The following UBOX5 variants were observed in gnomAD, a reference collection of about 807,000 sequenced individuals.
UBOX5 encodes RING finger protein 37.
In UBOX5, 28 loss-of-function variants were observed where a neutral mutation model predicts 39.0. The observed-to-expected ratio is 0.72, with a 90% CI of 0.53 to 0.98. The LOEUF (loss-of-function observed/expected upper bound fraction) is 0.98, where lower values mean the gene tolerates loss of function less well. Ranked by LOEUF, UBOX5 falls within the 50% of genes least tolerant of loss-of-function variation. UBOX5 has a pLI of 0.00. For synonymous variants in UBOX5, 283 were observed against 275.5 expected (o/e 1.03, Z -0.27); for missense variants, 585 against 674.4 (o/e 0.87, Z 1.47).
chr20:3,142,724 G>A (rs1363427246), intron 1 of UBOX5, among the ~76,000 whole-genome samples: 2 of 132,886 alleles, frequency 1.5e-5, no homozygotes, highest in African/African-American at 5.6e-5. Context: ...AGTGAGCAGA[G>A]ATCACGCTAC....
intron 1 of UBOX5, among the ~76,000 whole-genome samples, chr20:3,130,333 CT>C (rs5839987): frequency 0.62 from 82,512 of 132,126 alleles, 26,998 homozygotes; most frequent in East Asian, 0.99. Flanking sequence ...TTGTTTATGC[CT>C]TTTTTTTTTT....
chr20:3,131,863 C>G (rs547545455), intron 1 of UBOX5, among the ~76,000 whole-genome samples: 3 of 151,792 alleles, frequency 2.0e-5, no homozygotes, highest in African/African-American at 7.2e-5. Context: ...AAAAAATTAG[C>G]CGGGCAAGGT....
At position 3,134,946 on chromosome 20, in the gene UBOX5, A is replaced by G. The variant is rs564627977; in HGVS notation, c.-41-11540T>C. 8.5e-4 allele frequency among the ~76,000 whole-genome samples: 129 copies of G among 152,222 alleles called. 4 individuals carry two copies. In the South Asian group the frequency reaches 0.021, roughly 25 times the overall value. On this transcript the variant is annotated intron_variant, in intron 1 of 4. Transcript: ENST00000217173. ...GACACAGTAAGGAAAGATAACCTAG[A>G]TCAATGTTTTTCAATTTGTGGTTTT...
At chr20:3,148,905 C>G (rs138163389) in intron 1 of UBOX5, 9 of 1,614,154 alleles carry the variant, frequency 5.6e-6, no homozygotes, top group Admixed American at 3.3e-5. Context: ...ATGTTCTTAA[C>G]TTTTTTGGCA....
chr20:3,107,785 C>T lies in UBOX5; in HGVS notation c.*2321G>A, dbSNP rs2066222160. The stretch of plus-strand genomic sequence containing the variant: ...GGGGCTCCCAGGCTGGATTTTCCAC[C>T]AGAGCAGTCTTGGGGGCAGGAGCCT... On this transcript the variant is annotated 3_prime_UTR_variant, in exon 5 of 5. Coordinates refer to ENST00000217173, the MANE Select transcript of UBOX5 (RefSeq NM_014948.4). This position sits in a 1 kb window ranked among gnomAD's most constrained non-coding sequence, Gnocchi z 5.0. 1.3e-5 allele frequency: 2 copies of T among 152,180 alleles called. No individual in the cohort carries two copies. Among genetic ancestry groups the T allele is most frequent in the Non-Finnish European group, 2.9e-5 (2 of 68,088 alleles). The allele number at this position is 152,180 out of a possible 1,614,324, so 9.4% of individuals were successfully genotyped here.
At chr20:3,153,013 AGGCTGGTTTACAAGATAAATGTGT>A (rs1472478578) in intron 1 of UBOX5, among the ~76,000 whole-genome samples, 1 of 152,194 alleles carries the variant, frequency 6.6e-6, no homozygotes, top group Non-Finnish European at 1.5e-5. Flanking sequence ...GTCTAGAAGG[AGGCTGGTTTACAAGATAAATGTGT>A]GGCAGGCATC....
Position 3,121,726 on chromosome 20 carries a change from C to A in UBOX5, c.913G>T (p.Asp305Tyr), listed in dbSNP as rs2066338249. The A allele has an allele frequency of 6.2e-7, 1 of 1,613,926 alleles. No individual in the cohort carries two copies. Among genetic ancestry groups the A allele is most frequent in the Non-Finnish European group, 8.5e-7 (1 of 1,180,012 alleles). ...GTAAAAGCTACCCCCGTGAAAGGGT[C>A]ACTGGGCACTCGGCCCCATGTGGCT... Reference protein sequence around the residue: ...SEATWGRVPSDPFTGVAFTPH... With the variant: ...SEATWGRVPSYPFTGVAFTPH... Residue 305 changes from aspartate (D) to tyrosine (Y), a missense_variant, in exon 3 of 5, where the codon GAC becomes TAC. Coordinates refer to ENST00000217173, the MANE Select transcript of UBOX5 (RefSeq NM_014948.4).
chr20:3,117,897 C>G (rs1441703833), intron 3 of UBOX5, among the ~76,000 whole-genome samples: 1 of 152,042 alleles, frequency 6.6e-6, no homozygotes, highest in Non-Finnish European at 1.5e-5. Context: ...GAGGCTGAGG[C>G]AGGAAAATCA....
At chr20:3,129,751 T>G (rs2066415594) in intron 1 of UBOX5, among the ~76,000 whole-genome samples, 1 of 152,234 alleles carries the variant, frequency 6.6e-6, no homozygotes, top group African/African-American at 2.4e-5. Flanking sequence ...GAAGAGTTGT[T>G]TATCGCAAGC....
At chr20:3,114,500 A>G (rs529984997) in intron 4 of UBOX5, among the ~76,000 whole-genome samples, 1 of 152,310 alleles carries the variant, frequency 6.6e-6, no homozygotes, top group Admixed American at 6.5e-5. Context: ...GGTTCATTTT[A>G]GGCAAAATTG....
At chr20:3,128,722 G>A (rs938190108) in intron 1 of UBOX5, among the ~76,000 whole-genome samples, 2 of 152,104 alleles carry the variant, frequency 1.3e-5, no homozygotes, top group Admixed American at 6.6e-5. Context: ...GATTAGTTAG[G>A]TGTGGTAGCA....
chr20:3,158,543 G>A (rs1159026405), intron 1 of UBOX5, among the ~76,000 whole-genome samples: 3 of 152,028 alleles, frequency 2.0e-5, no homozygotes, highest in Non-Finnish European at 2.9e-5. Context: ...GCGCGATCTC[G>A]GCTCACTGCA....
intron 4 of UBOX5, chr20:3,110,696 C>T (rs1046011282): frequency 4.7e-5 from 13 of 276,820 alleles, no homozygotes; most frequent in Non-Finnish European, 5.7e-5. Context: ...ATGTGAGAGG[C>T]GACAAGAGAA....
chr20:3,146,717 G>A, intron 1 of UBOX5: 1 of 1,518,556 alleles, frequency 6.6e-7, no homozygotes, highest in Non-Finnish European at 8.8e-7. Flanking sequence ...TAATCATTTT[G>A]CAACACCTGG....
chr20:3,148,112 G>A, intron 1 of UBOX5: 4 of 1,613,988 alleles, frequency 2.5e-6, no homozygotes, highest in Non-Finnish European at 3.4e-6. Flanking sequence ...CAAACAGATG[G>A]TACCAACCTC....
At chr20:3,112,072 T>C (rs2066257834) in intron 4 of UBOX5, among the ~76,000 whole-genome samples, 1 of 149,444 alleles carries the variant, frequency 6.7e-6, no homozygotes, top group Non-Finnish European at 1.5e-5. Flanking sequence ...GTGCCTCTCC[T>C]GTGCACACAA....
chr20:3,121,550 T>C lies in UBOX5; in HGVS notation c.1089A>G (p.Lys363=), dbSNP rs1168801997. Residue 363 remains lysine, a synonymous_variant, in exon 3 of 5, where the codon AAA becomes AAG. Transcript: ENST00000217173. ...CATGTTCAGCCTGCTCTATCTTCCT[T>C]TTCTGAGAGGGCAGAACAATGGAAG... The part of the protein sequence containing the change: ...IPSSIVLPSQ[K]RKIEQAEHVP... 1 of 1,611,208 alleles carries C rather than the reference T, an allele frequency of 6.2e-7. No individual in the cohort carries two copies. The highest frequency in any genetic ancestry group is 8.5e-7 in the Non-Finnish European group (1 of 1,178,632).
intron 1 of UBOX5, among the ~76,000 whole-genome samples, chr20:3,132,971 T>TA (rs1271505623): frequency 5.9e-4 from 89 of 150,414 alleles, no homozygotes; most frequent in African/African-American, 2.1e-3. Flanking sequence ...AAAAAAAAAT[T>TA]AAATAATTAA....
intron 1 of UBOX5, among the ~76,000 whole-genome samples, chr20:3,135,067 G>A (rs2066459279): frequency 6.6e-6 from 1 of 152,064 alleles, no homozygotes; most frequent in African/African-American, 2.4e-5. Flanking sequence ...AATTGTTTCA[G>A]TTTTGTACAA....
Sources: gnomAD v4.1 joint callset for allele counts (sites outside exome capture counted in the v4.1 genomes callset) on GRCh38, gnomAD v4.1.1 for gene constraint, Gnocchi (gnomAD v3.1) non-coding constraint, MANE v1.5 for transcripts, NCBI Gene and HGNC (gene_info 2026-07-23, HGNC 2026-07-21) for gene names.